The following ZDHHC7 variants were observed in gnomAD, a reference collection of about 807,000 sequenced individuals.
ZDHHC7 encodes the protein palmitoyltransferase ZDHHC7.
A neutral mutation model predicts 34.1 loss-of-function variants in ZDHHC7; 12 were observed. That is an observed-to-expected ratio of 0.35 (90% confidence interval 0.23 to 0.57). The LOEUF is 0.57. Ranked by LOEUF, ZDHHC7 falls within the 20% of genes least tolerant of loss-of-function variation. ZDHHC7 has a pLI of 0.84. For missense variants in ZDHHC7, 388 were observed against 402.7 expected, an observed-to-expected ratio of 0.96 and a Z score of 0.31; for synonymous variants, 185 against 155.4, an observed-to-expected ratio of 1.19 and a Z score of -1.42.
At chr16:84,976,720 G>A (rs931797773) in intron 7 of ZDHHC7, among the ~76,000 whole-genome samples, 12 of 152,198 alleles carry the variant, frequency 7.9e-5, no homozygotes, top group African/African-American at 2.9e-4. Flanking sequence ...GGCCAGCCCA[G>A]ACTACCACAA....
rs532406615 is a variant in ZDHHC7 at position 84,983,176 on chromosome 16, G to A, written c.316-1182C>T. ...CACAGATCTGGAGAATGAGACCCAC[G>A]GACACTGGGAACAGCAGTCAGGGCT... On this transcript the variant is annotated intron_variant, in intron 3 of 7. Transcript: ENST00000313732. Among the ~76,000 whole-genome samples the A allele has an allele frequency of 1.2e-4, 18 of 152,288 alleles. No individual in the cohort carries two copies. In the East Asian group the frequency reaches 3.3e-3, roughly 28 times the overall value.
At chr16:84,977,264 T>C (rs1475094503) in intron 6 of ZDHHC7, 39 bp from the exon 7 acceptor site, 7 of 1,607,456 alleles carry the variant, frequency 4.4e-6, no homozygotes, top group Non-Finnish European at 6.0e-6. Flanking sequence ...TGGTCCTGAA[T>C]ACCCCGAGTG....
chr16:85,000,497 A>C (rs1313519561), intron 1 of ZDHHC7, among the ~76,000 whole-genome samples: 1 of 152,232 alleles, frequency 6.6e-6, no homozygotes, highest in Non-Finnish European at 1.5e-5. Context: ...TGACTACAGA[A>C]AAGAACCAAG....
upstream of ZDHHC7, among the ~76,000 whole-genome samples, chr16:85,013,083 T>C (rs2143778866): frequency 6.6e-6 from 1 of 152,232 alleles, no homozygotes; most frequent in East Asian, 1.9e-4. Flanking sequence ...CATTCTAGAC[T>C]CTTCTTAGCC....
upstream of ZDHHC7, among the ~76,000 whole-genome samples, chr16:85,013,190 A>G (rs1330763502): frequency 6.6e-6 from 1 of 152,152 alleles, no homozygotes; most frequent in East Asian, 1.9e-4. Flanking sequence ...TTGGAAGCTC[A>G]AAACTCCTTT....
chr16:84,976,622 G>A, intron 7 of ZDHHC7, 103 bp from the exon 8 acceptor site: 1 of 1,451,598 alleles, frequency 6.9e-7, no homozygotes, highest in Non-Finnish European at 9.3e-7. Context: ...TGGGCTCGAT[G>A]GAGGGTAGGT....
Position 84,990,443 on chromosome 16 carries a change from G to A in ZDHHC7, c.176C>T (p.Ala59Val), listed in dbSNP as rs142511053. 66 of 1,614,142 alleles carry A rather than the reference G, an allele frequency of 4.1e-5. No homozygotes were observed. The African/African-American group carries it at 8.4e-4, about 21-fold the overall frequency. ...ICAVMTWLLVAYADFVVTFVM... is the reference protein window; with the variant it reads ...ICAVMTWLLVVYADFVVTFVM... ...GAAAGTCACCACGAAGTCTGCATAG[G>A]CGACCAGAAGCCACGTCATGACAGC... is the stretch of plus-strand genomic sequence containing the variant. Residue 59 changes from alanine (A) to valine (V), a missense_variant, in exon 3 of 8, where the codon GCC becomes GTC. Ala to Val is a moderately conservative substitution (Grantham distance 64). Coordinates refer to ENST00000313732, the MANE Select transcript of ZDHHC7 (RefSeq NM_017740.3).
intron 4 of ZDHHC7, among the ~76,000 whole-genome samples, chr16:84,980,695 A>G (rs937908969): frequency 2.0e-5 from 3 of 152,136 alleles, no homozygotes; most frequent in Non-Finnish European, 4.4e-5. Flanking sequence ...TTTATATACC[A>G]TAAAAGTTCA....
chr16:85,015,037 G>T (rs1318001638), upstream of ZDHHC7, among the ~76,000 whole-genome samples: 3 of 151,894 alleles, frequency 2.0e-5, no homozygotes, highest in African/African-American at 7.3e-5. Flanking sequence ...TCAGTTAAGG[G>T]GTTGTGGAGA....
At chr16:85,002,515 T>C (rs11866158) in intron 1 of ZDHHC7, among the ~76,000 whole-genome samples, 25,822 of 151,814 alleles carry the variant, frequency 0.17, 2,248 homozygotes, top group African/African-American at 0.21. Context: ...TACAAAAAAA[T>C]CCCTGACCCA....
Position 84,976,138 on chromosome 16 carries a change from C to T in ZDHHC7, c.*205G>A. The T allele has an allele frequency of 1.5e-6, 1 of 654,070 alleles. No homozygotes were observed. Among genetic ancestry groups the T allele is most frequent in the Non-Finnish European group, 2.5e-6 (1 of 399,448 alleles). 40.5% of individuals were successfully genotyped at this position (654,070 alleles called of 1,614,324 possible). A position where few individuals can be genotyped will look rare whatever the true frequency, so the allele number is the denominator to read the frequency against. On this transcript the variant is annotated 3_prime_UTR_variant, in exon 8 of 8. Transcript: ENST00000313732. The stretch of plus-strand genomic sequence containing the variant: ...TTGGCTTCTTCGTGTGGCCACACAC[C>T]TTTCCGTTGTTGTACAGGTGGGGAC...
chr16:84,997,819 G>T (rs1646049913), intron 1 of ZDHHC7, among the ~76,000 whole-genome samples: 2 of 148,252 alleles, frequency 1.3e-5, no homozygotes, highest in African/African-American at 4.9e-5. Flanking sequence ...CATGAACCCG[G>T]GATGCGGAGC....
At chr16:85,014,981 G>T (rs564246510), upstream of ZDHHC7, among the ~76,000 whole-genome samples, 2 of 152,074 alleles carry the variant, frequency 1.3e-5, no homozygotes, top group South Asian at 2.1e-4. Flanking sequence ...GCAATTAGTT[G>T]GCAGAGTTAT....
chr16:85,006,253 A>G, intron 1 of ZDHHC7, among the ~76,000 whole-genome samples: 1 of 151,642 alleles, frequency 6.6e-6, no homozygotes, highest in African/African-American at 2.4e-5. Flanking sequence ...CAGCTACTCG[A>G]GAGGCTGAGG....
intron 4 of ZDHHC7, among the ~76,000 whole-genome samples, chr16:84,980,228 G>T (rs1597532076): frequency 6.6e-6 from 1 of 151,350 alleles, no homozygotes; most frequent in Non-Finnish European, 1.5e-5. Flanking sequence ...GCCTCCCAAA[G>T]TGCTGGGATT....
chr16:84,985,543 A>G (rs2072425269), intron 3 of ZDHHC7, among the ~76,000 whole-genome samples: 3 of 152,224 alleles, frequency 2.0e-5, no homozygotes, highest in Admixed American at 6.5e-5. Flanking sequence ...ACCCCAAGGG[A>G]AAAAAAGACA....
intron 2 of ZDHHC7, 67 bp downstream of exon 2, chr16:84,995,855 A>C (rs574689745): frequency 1.6e-4 from 24 of 152,330 alleles, no homozygotes; most frequent in African/African-American, 5.8e-4. Context: ...CTTTTTAGTA[A>C]TATACAAGCT....
At chr16:85,003,722 T>A (rs13330996) in intron 1 of ZDHHC7, among the ~76,000 whole-genome samples, 4,661 of 152,304 alleles carry the variant, frequency 0.031, 241 homozygotes, top group African/African-American at 0.11. Flanking sequence ...GGGCATTTCA[T>A]ATTAAAATAC....
In ZDHHC7 at chr16:84,977,985, T is replaced by C. The variant is rs1210254022; in HGVS notation, c.558A>G (p.Ser186=). The C allele has an allele frequency of 1.2e-6, 2 of 1,613,834 alleles. No homozygotes were observed. Among genetic ancestry groups the C allele is most frequent in the African/African-American group, 1.3e-5 (1 of 75,024 alleles). The change falls in exon 6 of 8, where the codon TCA becomes TCG. Residue 186 remains serine, a synonymous_variant. Transcript: ENST00000313732. ...ATCCACAAAGGATCAGAGCATGGACTGAAGACAGAGCTATATACATCTAGA... is the reference window on the plus strand; with the variant it reads ...ATCCACAAAGGATCAGAGCATGGACCGAAGACAGAGCTATATACATCTAGA... ...VLFTMYIALS[S]VHALILCGFQ...
Sources: allele counts gnomAD v4.1 joint callset (sites outside exome capture counted in the v4.1 genomes callset), GRCh38; gene constraint gnomAD v4.1.1; transcripts MANE v1.5; gene names NCBI Gene and HGNC (gene_info 2026-07-23, HGNC 2026-07-21).